The following AXIN1 variants were observed in gnomAD, a reference collection of about 807,000 sequenced individuals.
AXIN1 encodes the protein axin-1.
Under a neutral mutation model 76.4 loss-of-function variants are expected in AXIN1, and 30 were observed. That is an observed-to-expected ratio of 0.39 (90% CI 0.29 to 0.53). The LOEUF (loss-of-function observed/expected upper bound fraction) is 0.53. AXIN1 is among the 20% of genes least tolerant of loss of function. The probability of loss-of-function intolerance (pLI) is 0.66; values close to 1 mark genes in which losing one functional copy is unlikely to be tolerated. For synonymous variants in AXIN1, 545 were observed against 501.4 expected (o/e 1.09, Z -1.16); for missense variants, 1,140 against 1,198.8 (o/e 0.95, Z 0.72).
intron 2 of AXIN1, among the ~76,000 whole-genome samples, chr16:338,973 T>TCCAGCAGAGCA (rs1311173184): frequency 2.2e-5 from 2 of 89,530 alleles, no homozygotes; most frequent in Non-Finnish European, 4.4e-5. Flanking sequence ...GGGGACAGAG[T>TCCAGCAGAGCA]CCAGCAGAGC....
chr16:318,093 G>A (rs1020864284), intron 2 of AXIN1, among the ~76,000 whole-genome samples: 42 of 152,214 alleles, frequency 2.8e-4, no homozygotes, highest in Middle Eastern at 3.2e-3. Flanking sequence ...GTCTTGGCAC[G>A]CACTGGAAGC....
chr16:295,873 A>G (rs990027007), intron 7 of AXIN1, among the ~76,000 whole-genome samples: 1 of 152,170 alleles, frequency 6.6e-6, no homozygotes, highest in African/African-American at 2.4e-5. Flanking sequence ...AGGCTGAGGC[A>G]GGAGAATTGC....
At chr16:333,589 G>T (rs1009591147) in intron 2 of AXIN1, among the ~76,000 whole-genome samples, 1 of 151,958 alleles carries the variant, frequency 6.6e-6, no homozygotes, top group Non-Finnish European at 1.5e-5. Context: ...ATGTCTGGAG[G>T]GAAGAAAAAA....
At chr16:313,256 C>T (rs548023673) in intron 3 of AXIN1, among the ~76,000 whole-genome samples, 1 of 152,208 alleles carries the variant, frequency 6.6e-6, no homozygotes, top group Non-Finnish European at 1.5e-5. Context: ...AAGCCAAGAT[C>T]GCACCATTGC....
chr16:291,179 GACGC>G lies in AXIN1; in HGVS notation c.2294+7_2294+10del, dbSNP rs1172909890. On this transcript the variant is annotated splice_region_variant and intron_variant, in intron 9 of 10. Transcript: ENST00000262320. The stretch of plus-strand genomic sequence containing the variant: ...TGGGCAGGACCGGGAGGACCCTCAG[GACGC>G]ACGTACTCTGTCTCGGAGAGCTCCA... 2 of 1,570,414 alleles carry G rather than the reference GACGC, an allele frequency of 1.3e-6. No individual in the cohort carries two copies.
intron 1 of AXIN1, among the ~76,000 whole-genome samples, chr16:351,789 C>T (rs1186280235): frequency 6.6e-6 from 1 of 152,036 alleles, no homozygotes; most frequent in East Asian, 1.9e-4. Context: ...AGAAAAATCC[C>T]CAGAGAACTG....
At chr16:323,529 C>A (rs539593344) in intron 2 of AXIN1, among the ~76,000 whole-genome samples, 57 of 151,528 alleles carry the variant, frequency 3.8e-4, no homozygotes, top group Middle Eastern at 3.4e-3. Context: ...AAACTGTAAT[C>A]CCAGCACTTT....
chr16:299,321 G>T, intron 5 of AXIN1: 1 of 789,842 alleles, frequency 1.3e-6, no homozygotes, highest in Non-Finnish European at 1.5e-6. Context: ...CAATACAAAA[G>T]AAAGAGAGGG....
intron 5 of AXIN1, chr16:299,076 A>G (rs956330940): frequency 7.1e-6 from 7 of 985,160 alleles, no homozygotes; most frequent in South Asian, 4.7e-5. Flanking sequence ...CTCCCATTAT[A>G]TTTTAAGGAG....
intron 3 of AXIN1, among the ~76,000 whole-genome samples, chr16:311,456 C>T (rs1038800233): frequency 3.9e-5 from 6 of 152,148 alleles, no homozygotes; most frequent in Admixed American, 1.3e-4. Flanking sequence ...TGAAAGCCCT[C>T]GCCCTCTCCC....
At chr16:312,261 C>T (rs996162370) in intron 3 of AXIN1, among the ~76,000 whole-genome samples, 1 of 152,232 alleles carries the variant, frequency 6.6e-6, no homozygotes, top group African/African-American at 2.4e-5. Context: ...GAATGATGCT[C>T]TTCACCTGTC....
intron 3 of AXIN1, among the ~76,000 whole-genome samples, chr16:314,230 C>G (rs929886518): frequency 3.9e-5 from 6 of 152,202 alleles, no homozygotes; most frequent in Admixed American, 1.3e-4. Context: ...AAAGCTGAGC[C>G]CTCACTTGTA....
chr16:333,454 A>C (rs2053736176), intron 2 of AXIN1, among the ~76,000 whole-genome samples: 1 of 151,944 alleles, frequency 6.6e-6, no homozygotes. Context: ...AAAAAAGAAA[A>C]GAAACAAATA....
chr16:299,689 T>C (rs1262179351), intron 5 of AXIN1, among the ~76,000 whole-genome samples: 1 of 150,308 alleles, frequency 6.7e-6, no homozygotes, highest in Non-Finnish European at 1.5e-5. Context: ...AGAGTCTCGC[T>C]CTGTCACCCA....
intron 2 of AXIN1, among the ~76,000 whole-genome samples, chr16:338,921 C>G (rs1392163867): frequency 6.7e-6 from 1 of 149,140 alleles, no homozygotes; most frequent in Non-Finnish European, 1.5e-5. Context: ...GAAACTCCAT[C>G]TTGGGGAAAA....
At position 306,281 on chromosome 16, in the gene AXIN1, A is replaced by G. The variant is rs544586792; in HGVS notation, c.1117-1840T>C. 2.6e-5 allele frequency among the ~76,000 whole-genome samples: 4 copies of G among 152,376 alleles called. No individual in the cohort carries two copies. The East Asian group carries it at 5.8e-4, about 22-fold the overall frequency. ...CCACAGTACAAATATGGATGGTTAAAAAAACTGACCCTGATACAATAACAT... is the reference window on the plus strand; with the variant it reads ...CCACAGTACAAATATGGATGGTTAAGAAAACTGACCCTGATACAATAACAT... On this transcript the variant is annotated intron_variant, in intron 4 of 10. Transcript: ENST00000262320.
chr16:292,973 C>T (rs2052610371), intron 8 of AXIN1: 2 of 163,890 alleles, frequency 1.2e-5, no homozygotes, highest in East Asian at 1.6e-4. Context: ...GACAAGAGGA[C>T]ACAGCGAGGA....
chr16:308,048 T>C (rs1402452559), intron 4 of AXIN1, among the ~76,000 whole-genome samples: 3 of 152,214 alleles, frequency 2.0e-5, no homozygotes, highest in African/African-American at 4.8e-5. Context: ...ATGAGGTTGT[T>C]TGCTGCAGAC....
rs955371977 is a variant in AXIN1, at chr16:350,768, A to T, written c.-82+1601T>A. On this transcript the variant is annotated intron_variant, in intron 1 of 10. Coordinates refer to ENST00000262320, the MANE Select transcript of AXIN1 (RefSeq NM_003502.4). The stretch of plus-strand genomic sequence containing the variant: ...TAGAAACCCAAGACAAGTCAACACC[A>T]GCTGAAAATCAAACAAAAACAGTCT... Among the ~76,000 whole-genome samples, 3 of 152,232 alleles carry T rather than the reference A, an allele frequency of 2.0e-5. No homozygotes were observed. The South Asian group carries it at 6.2e-4, about 31-fold the overall frequency.
Sources: gnomAD v4.1 joint callset for allele counts (sites outside exome capture counted in the v4.1 genomes callset) on GRCh38, gnomAD v4.1.1 for gene constraint, MANE v1.5 for transcripts, NCBI Gene and HGNC (gene_info 2026-07-23, HGNC 2026-07-21) for gene names.